TEX52: variants seen among roughly 807,000 people sequenced by gnomAD.
TEX52 encodes testis expressed 52.
Under a neutral mutation model 17.6 loss-of-function variants are expected in TEX52, and 22 were observed. The observed-to-expected ratio is 1.25, with a 90% CI of 0.89 to 1.78. The LOEUF (loss-of-function observed/expected upper bound fraction) is 1.78, where lower values mean the gene tolerates loss of function less well. Ranked by LOEUF, TEX52 falls within the 40% of genes most tolerant of loss-of-function variation. The pLI, the probability that TEX52 is intolerant of heterozygous loss-of-function variation, is 0.00. For synonymous variants in TEX52, 168 were observed against 147.4 expected (o/e 1.14, Z -1.01); for missense variants, 396 against 372.3 (o/e 1.06, Z -0.52).
intron 2 of TEX52, among the ~76,000 whole-genome samples, chr12:2,851,765 ACCT>A (rs749692070): frequency 9.2e-5 from 14 of 151,506 alleles, no homozygotes; most frequent in Non-Finnish European, 1.8e-4. Flanking sequence ...TACAACTTCC[ACCT>A]CCCGGGTTCA....
chr12:2,853,574 G>GTT (rs199720090), intron 2 of TEX52, among the ~76,000 whole-genome samples: 1 of 150,452 alleles, frequency 6.6e-6, no homozygotes, highest in African/African-American at 2.5e-5. Context: ...GGCCCGGCCT[G>GTT]TTTTTTTTGT....
In TEX52 at chr12:2,849,066, G is replaced by T. The variant is rs2098061613; in HGVS notation, c.*165C>A. ...TAGAATTTCAGTTGAATCTCCAATA[G>T]CCTGGGGTACAGAGGTGGCTTGAGG... is the stretch of plus-strand genomic sequence containing the variant. On this transcript the variant is annotated 3_prime_UTR_variant, in exon 3 of 3. Transcript: ENST00000637658. The T allele has an allele frequency of 3.0e-6, 2 of 663,334 alleles. No homozygotes were observed. Among genetic ancestry groups the T allele is most frequent in the African/African-American group, 3.7e-5 (2 of 54,674 alleles). The allele number at this position is 663,334 out of a possible 1,614,324, so 41.1% of individuals were successfully genotyped here.
At chr12:2,852,492 A>T (rs184954098) in intron 2 of TEX52, among the ~76,000 whole-genome samples, 2 of 151,924 alleles carry the variant, frequency 1.3e-5, no homozygotes, top group East Asian at 3.9e-4. Flanking sequence ...TCAGCCTCCC[A>T]TGTAGCTGGG....
intron 2 of TEX52, among the ~76,000 whole-genome samples, chr12:2,854,449 C>T (rs918050426): frequency 5.9e-5 from 9 of 152,228 alleles, no homozygotes; most frequent in Admixed American, 5.2e-4. Context: ...AGAAGCTGGG[C>T]ACCTCACCAT....
rs2098063948 is a variant in TEX52 at position 2,849,660 on chromosome 12, G to A, written c.624-135C>T. On this transcript the variant is annotated intron_variant, in intron 2 of 2. Transcript: ENST00000637658. ...CATCAGGCGGCAGGGAATCCCTTCT[G>A]TCTCTCCACCTAATCGGATATTGAC... 43 of 972,934 alleles carry A rather than the reference G, an allele frequency of 4.4e-5. No individual in the cohort carries two copies. In the South Asian group the frequency reaches 6.8e-4, roughly 15 times the overall value. 60.3% of individuals were successfully genotyped at this position (972,934 alleles called of 1,614,324 possible).
At chr12:2,854,187 G>A (rs1042382419) in intron 2 of TEX52, among the ~76,000 whole-genome samples, 3 of 151,868 alleles carry the variant, frequency 2.0e-5, no homozygotes, top group South Asian at 2.1e-4. Context: ...CACCACACCC[G>A]GCTAATTTTG....
chr12:2,853,613 GT>G lies in TEX52; in HGVS notation c.623+1282del, dbSNP rs1394161799. On this transcript the variant is annotated intron_variant, in intron 2 of 2. Transcript: ENST00000637658. ...TGTTGTTGTTTTTGTTTTTGTTTTT[GT>G]TTTTTTTTCAGATTAAAAATCTTCA... Among the ~76,000 whole-genome samples the G allele has an allele frequency of 2.1e-3, 234 of 114,048 alleles. 1 individual carries two copies. The highest frequency in any genetic ancestry group is 5.4e-3 in the Middle Eastern group (1 of 184). 74.8% of individuals were successfully genotyped at this position (114,048 alleles called of 152,430 possible).
intron 2 of TEX52, among the ~76,000 whole-genome samples, chr12:2,850,437 C>T (rs549055194): frequency 1.3e-4 from 19 of 142,958 alleles, no homozygotes; most frequent in African/African-American, 4.0e-4. Context: ...CAGATCATGC[C>T]ACTGCACTCC....
intron 2 of TEX52, 104 bp from the exon 3 acceptor site, chr12:2,849,629 G>C: frequency 2.3e-6 from 3 of 1,328,362 alleles, no homozygotes; most frequent in Non-Finnish European, 1.0e-6. Flanking sequence ...CCACAAGCTA[G>C]TTAGCCATCA....
At chr12:2,854,084 G>A (rs1390351527) in intron 2 of TEX52, among the ~76,000 whole-genome samples, 1 of 152,164 alleles carries the variant, frequency 6.6e-6, no homozygotes, top group Non-Finnish European at 1.5e-5. Context: ...GGAGTGCAAT[G>A]GCACCATCTT....
intron 2 of TEX52, among the ~76,000 whole-genome samples, chr12:2,852,385 G>A (rs1294432117): frequency 6.7e-6 from 1 of 149,876 alleles, no homozygotes; most frequent in Non-Finnish European, 1.5e-5. Context: ...TTTTTCTTTT[G>A]AGCTAGGGTC....
chr12:2,855,038 CA>C lies in TEX52; in HGVS notation c.480del (p.Phe160LeufsTer4), dbSNP rs2098082876. 6.5e-7 allele frequency: 1 copy of C among 1,536,100 alleles called. No homozygotes were observed. The highest frequency in any genetic ancestry group is 1.2e-5 in the South Asian group (1 of 84,050). On this transcript the variant is annotated frameshift_variant, in exon 2 of 3. Coordinates refer to ENST00000637658, the MANE Select transcript of TEX52 (RefSeq NM_001365174.2). LOFTEE classifies it high-confidence loss of function. Reference protein sequence around the residue: ...FLTFIHCYPTFVDMKRKKQVI... With the variant: ...FLTFIHCYPTXVDMKRKKQVI... ...ACCTGCTTCTTCCTTTTCATGTCCA[CA>C]AACGTGGGATAACAGTGGATGAAGG...
At chr12:2,848,871 A>ACACGCG (rs1555092584), downstream of TEX52, among the ~76,000 whole-genome samples, 3 of 111,210 alleles carry the variant, frequency 2.7e-5, no homozygotes, top group African/African-American at 4.0e-5. Context: ...CAACAGACAC[A>ACACGCG]CACACGCACA....
Position 2,855,289 on chromosome 12 carries a change from AC to A in TEX52, c.229del (p.Val77CysfsTer48). ...CCAAGGGTGGATGAGCCGCTGACGCACCTTGGACTTCATATCTGTGCAGGGC... is the reference window on the plus strand; with the variant it reads ...CCAAGGGTGGATGAGCCGCTGACGCACTTGGACTTCATATCTGTGCAGGGC... Reference protein sequence around the residue: ...LPPCTDMKSKVRQRLIHPWKG... With the variant: ...LPPCTDMKSKXRQRLIHPWKG... On this transcript the variant is annotated frameshift_variant, in exon 2 of 3. Transcript: ENST00000637658. LOFTEE classifies it high-confidence loss of function. 6.6e-7 allele frequency: 1 copy of A among 1,523,162 alleles called. No homozygotes were observed. Among genetic ancestry groups the A allele is most frequent in the Non-Finnish European group, 8.8e-7 (1 of 1,136,816 alleles). The allele number at this position is 1,523,162 out of a possible 1,614,324, so 94.4% of individuals were successfully genotyped here. A position where few individuals can be genotyped will look rare whatever the true frequency, so the allele number is the denominator to read the frequency against.
rs2098062454 is a variant in TEX52 at position 2,849,297 on chromosome 12, A to T, written c.852T>A (p.His284Gln). Residue 284 changes from histidine to glutamine, a missense_variant, in exon 3 of 3, where the codon CAT (histidine) becomes CAA (glutamine). By Grantham distance (24) the His-to-Gln change is conservative. Coordinates refer to ENST00000637658, the MANE Select transcript of TEX52 (RefSeq NM_001365174.2). ...ATTTGCTTGCTTGTGCCTTGGAGAGATGGTGGAGGGGTAAGGCAGTTCTGT... is the reference window on the plus strand; with the variant it reads ...ATTTGCTTGCTTGTGCCTTGGAGAGTTGGTGGAGGGGTAAGGCAGTTCTGT... ...IKDRTALPLH[H>Q]LSKAQASKSP... 1 of 1,535,778 alleles carries T rather than the reference A, an allele frequency of 6.5e-7. No homozygotes were observed. Among genetic ancestry groups the T allele is most frequent in the African/African-American group, 1.4e-5 (1 of 72,974 alleles).
intron 2 of TEX52, among the ~76,000 whole-genome samples, chr12:2,854,237 C>T (rs964694247): frequency 7.9e-5 from 12 of 151,988 alleles, no homozygotes; most frequent in African/African-American, 2.9e-4. Context: ...GTTGGTCAGG[C>T]TGGTCTGGAA....
downstream of TEX52, chr12:2,848,996 C>G: frequency 1.9e-6 from 1 of 527,948 alleles, no homozygotes; most frequent in Non-Finnish European, 3.3e-6. Context: ...GGCCGCAGTC[C>G]TCCCACCTTC....
At chr12:2,847,872 A>C (rs1301135801), downstream of TEX52, among the ~76,000 whole-genome samples, 2 of 152,206 alleles carry the variant, frequency 1.3e-5, no homozygotes, top group African/African-American at 2.4e-5. Flanking sequence ...TCCACACTGT[A>C]GCATCTATCA....
intron 2 of TEX52, among the ~76,000 whole-genome samples, chr12:2,851,464 T>C (rs553618922): frequency 3.7e-4 from 56 of 152,200 alleles, no homozygotes; most frequent in African/African-American, 1.1e-3. Context: ...TGCCTCAGCC[T>C]CCCGAGTAGC....
Sources: allele counts gnomAD v4.1 joint callset (sites outside exome capture counted in the v4.1 genomes callset), GRCh38; gene constraint gnomAD v4.1.1; transcripts MANE v1.5; gene names NCBI Gene and HGNC (gene_info 2026-07-23, HGNC 2026-07-21).